EPHA3: variants seen among roughly 807,000 people sequenced by gnomAD.
EPHA3 encodes the protein ephrin type-A receptor 3.
A neutral mutation model predicts 107.1 loss-of-function variants in EPHA3; 42 were observed. That is an observed-to-expected ratio of 0.39 (90% CI 0.31 to 0.51). The LOEUF is 0.51. Ranked by LOEUF, EPHA3 falls within the 20% of genes least tolerant of loss-of-function variation. The pLI is 0.78. For missense variants in EPHA3, 1,183 were observed against 1,211.2 expected (o/e 0.98, Z 0.35); for synonymous variants, 461 against 424.8 (o/e 1.09, Z -1.05).
chr3:89,138,423 TA>T (rs776280978), intron 2 of EPHA3, among the ~76,000 whole-genome samples: 1 of 151,806 alleles, frequency 6.6e-6, no homozygotes, highest in African/African-American at 2.4e-5. Context: ...ACCCAAAAAC[TA>T]AATAAACAAT....
intron 2 of EPHA3, among the ~76,000 whole-genome samples, chr3:89,204,986 C>G (rs1175882180): frequency 6.6e-6 from 1 of 152,118 alleles, no homozygotes; most frequent in African/African-American, 2.4e-5. Context: ...TCTTATAAAC[C>G]ATTGAAATGC....
At chr3:89,145,633 T>G (rs1366335933) in intron 2 of EPHA3, among the ~76,000 whole-genome samples, 1 of 151,834 alleles carries the variant, frequency 6.6e-6, no homozygotes, top group Non-Finnish European at 1.5e-5. Flanking sequence ...AAAATCTGCT[T>G]TTTCTATATT....
chr3:89,123,039 T>C (rs1428675750), intron 1 of EPHA3, among the ~76,000 whole-genome samples: 1 of 152,120 alleles, frequency 6.6e-6, no homozygotes, highest in African/African-American at 2.4e-5. Context: ...AACATAACAG[T>C]AGAAATCAGT....
At chr3:89,206,065 G>T (rs1341875854) in intron 2 of EPHA3, among the ~76,000 whole-genome samples, 1 of 152,098 alleles carries the variant, frequency 6.6e-6, no homozygotes, top group Non-Finnish European at 1.5e-5. Flanking sequence ...GCAAATGCTA[G>T]AGTTAGAGAC....
chr3:89,239,690 C>G (rs543087935), intron 3 of EPHA3, among the ~76,000 whole-genome samples: 1 of 152,190 alleles, frequency 6.6e-6, no homozygotes, highest in African/African-American at 2.4e-5. Context: ...CTTTTATGAC[C>G]TTTTGAAAAG....
chr3:89,429,104 A>G lies in EPHA3; in HGVS notation c.2075-2A>G. On this transcript the variant is annotated splice_acceptor_variant, in intron 11 of 16. Coordinates refer to ENST00000336596, the MANE Select transcript of EPHA3 (RefSeq NM_005233.6). LOFTEE classifies it high-confidence loss of function. ...ATTATTTATTATTTACTGTATATCT[A>G]GGTAAGCCAGTTATGATTGTCACAG... The G allele has an allele frequency of 1.2e-6, 2 of 1,600,970 alleles. No individual in the cohort carries two copies. The highest frequency in any genetic ancestry group is 8.6e-7 in the Non-Finnish European group (1 of 1,168,806).
At chr3:89,229,070 T>C (rs1431920336) in intron 3 of EPHA3, among the ~76,000 whole-genome samples, 4 of 151,974 alleles carry the variant, frequency 2.6e-5, no homozygotes, top group African/African-American at 9.6e-5. Context: ...AAAGCATTCT[T>C]CTCATTTTTC....
chr3:89,478,190 T>A (rs1487289854), intron 16 of EPHA3, among the ~76,000 whole-genome samples: 1 of 152,234 alleles, frequency 6.6e-6, no homozygotes, highest in Admixed American at 6.5e-5. Context: ...TTTATTTTAA[T>A]GCCTACTTTC....
At chr3:89,456,242 T>G (rs1710095297) in intron 15 of EPHA3, among the ~76,000 whole-genome samples, 1 of 151,962 alleles carries the variant, frequency 6.6e-6, no homozygotes, top group South Asian at 2.1e-4. Flanking sequence ...CTCCTAAAAA[T>G]TTAATAGGAG....
At chr3:89,419,435 A>G in intron 11 of EPHA3, 45 bp downstream of exon 11, 1 of 1,484,734 alleles carries the variant, frequency 6.7e-7, no homozygotes, top group Admixed American at 2.3e-5. Flanking sequence ...ATGTTGAGCA[A>G]AGGTTGTTTA....
chr3:89,126,392 T>TA (rs1704097319), intron 1 of EPHA3, among the ~76,000 whole-genome samples: 1 of 151,760 alleles, frequency 6.6e-6, no homozygotes, highest in South Asian at 2.1e-4. Context: ...TTTTCTAACC[T>TA]ATTACAAATG....
At chr3:89,381,292 G>T (rs1299218997) in intron 5 of EPHA3, among the ~76,000 whole-genome samples, 1 of 151,944 alleles carries the variant, frequency 6.6e-6, no homozygotes, top group African/African-American at 2.4e-5. Context: ...TTTTAAACCT[G>T]TGTATAAGTT....
rs563779011 is a variant in EPHA3, at chr3:89,284,256, C to T, written c.815-56660C>T. Among the ~76,000 whole-genome samples, 75 of 151,932 alleles carry T rather than the reference C, an allele frequency of 4.9e-4. No individual in the cohort carries two copies. The South Asian group carries it at 0.015, about 29-fold the overall frequency. ...GTAGTTCTGTAAATTCATCTTGCTA[C>T]GTTTATGATAGTTTTTTAATAGACT... is the stretch of plus-strand genomic sequence containing the variant. On this transcript the variant is annotated intron_variant, in intron 3 of 16. Coordinates refer to ENST00000336596, the MANE Select transcript of EPHA3 (RefSeq NM_005233.6).
chr3:89,127,391 A>T (rs1704117225), intron 2 of EPHA3, 118 bp downstream of exon 2: 4 of 717,452 alleles, frequency 5.6e-6, no homozygotes, highest in East Asian at 2.6e-5. Context: ...AATTATACTT[A>T]TAGGAGTATT....
At position 89,431,359 on chromosome 3, in the gene EPHA3, A is replaced by G; in HGVS notation, c.2346A>G (p.Arg782=). ...ACCCAGAAGCTGCTTATACAACAAG[A>G]GTGAGTAACTTAGATTTTCTCCTTT... is the stretch of plus-strand genomic sequence containing the variant. The part of the protein sequence containing the change: ...EDDPEAAYTT[R]GGKIPIRWTS... Residue 782 remains arginine (R), a splice_region_variant and synonymous_variant, in exon 13 of 17, where the codon AGA becomes AGG. Transcript: ENST00000336596. 1 of 1,611,112 alleles carries G rather than the reference A, an allele frequency of 6.2e-7. No individual in the cohort carries two copies. The highest frequency in any genetic ancestry group is 1.1e-5 in the South Asian group (1 of 90,862).
chr3:89,235,904 A>G (rs1182794485), intron 3 of EPHA3, among the ~76,000 whole-genome samples: 1 of 151,996 alleles, frequency 6.6e-6, no homozygotes, highest in Non-Finnish European at 1.5e-5. Context: ...TAAATAATAA[A>G]AAGTGGAGTA....
intron 11 of EPHA3, among the ~76,000 whole-genome samples, chr3:89,421,961 G>A (rs532006036): frequency 3.2e-4 from 48 of 151,204 alleles, no homozygotes; most frequent in Admixed American, 6.6e-4. Flanking sequence ...TATTCTTAGG[G>A]TGAGAGTTCT....
chr3:89,429,841 GC>G (rs1309564464), intron 12 of EPHA3, among the ~76,000 whole-genome samples: 5 of 152,084 alleles, frequency 3.3e-5, no homozygotes, highest in Admixed American at 6.6e-5. Flanking sequence ...TTGGCTCACT[GC>G]AATCCCCGCC....
chr3:89,122,884 C>A (rs779948799), intron 1 of EPHA3, among the ~76,000 whole-genome samples: 4 of 152,046 alleles, frequency 2.6e-5, no homozygotes, highest in Non-Finnish European at 5.9e-5. Flanking sequence ...TTTGAATAGG[C>A]AATTATTTGT....
Sources: gnomAD v4.1 joint callset for allele counts (sites outside exome capture counted in the v4.1 genomes callset) on GRCh38, gnomAD v4.1.1 for gene constraint, MANE v1.5 for transcripts, NCBI Gene and HGNC (gene_info 2026-07-23, HGNC 2026-07-21) for gene names.